PCDHA13: variants seen among roughly 807,000 people sequenced by gnomAD.
PCDHA13 encodes protocadherin alpha 13.
PCDHA13 carries 54 observed loss-of-function variants against 64.8 expected under a neutral mutation model. The observed-to-expected ratio is 0.83, with a 90% CI of 0.67 to 1.04. The LOEUF (loss-of-function observed/expected upper bound fraction) is 1.04. Ranked by LOEUF, PCDHA13 falls within the 50% of genes least tolerant of loss-of-function variation. The pLI is 0.00. For missense variants in PCDHA13, 1,248 were observed against 1,254.3 expected, an observed-to-expected ratio of 0.99 and a Z score of 0.08; for synonymous variants, 587 against 564.4, an observed-to-expected ratio of 1.04 and a Z score of -0.57.
intron 1 of PCDHA13, among the ~76,000 whole-genome samples, chr5:140,933,411 T>C (rs1174569571): frequency 6.6e-6 from 1 of 152,084 alleles, no homozygotes; most frequent in Non-Finnish European, 1.5e-5. Flanking sequence ...CATCTACAGA[T>C]ATTCTGTGTT....
intron 1 of PCDHA13, among the ~76,000 whole-genome samples, chr5:140,894,264 G>A (rs1231047220): frequency 1.3e-5 from 2 of 151,820 alleles, no homozygotes; most frequent in African/African-American, 4.8e-5. Flanking sequence ...ACAAGTGGTA[G>A]CTTATTTACA....
At chr5:140,932,755 GA>G (rs1554209056) in intron 1 of PCDHA13, among the ~76,000 whole-genome samples, 4 of 151,730 alleles carry the variant, frequency 2.6e-5, no homozygotes, top group Non-Finnish European at 5.9e-5. Context: ...AAAAAGGAAA[GA>G]AAAAGAACAT....
intron 2 of PCDHA13, among the ~76,000 whole-genome samples, chr5:140,980,777 A>C (rs2096905451): frequency 6.6e-6 from 1 of 152,244 alleles, no homozygotes; most frequent in Non-Finnish European, 1.5e-5. Flanking sequence ...ATTGAAATTA[A>C]AATGCCATTT....
In PCDHA13 at chr5:140,926,298, C is replaced by G. The variant is rs1337047837; in HGVS notation, c.2394+41636C>G. 3.3e-5 allele frequency: 5 copies of G among 152,328 alleles called. No homozygotes were observed. In the East Asian group the frequency reaches 5.8e-4, roughly 18 times the overall value. The allele number at this position is 152,328 out of a possible 1,614,324, so 9.4% of individuals were successfully genotyped here. Reference sequence around the variant, plus strand: ...TCGGCAGCTCCACGCTGAGTCCCGCCCTCTCCGCCGGAGAGGTGCGCCGGG... The same window carrying G: ...TCGGCAGCTCCACGCTGAGTCCCGCGCTCTCCGCCGGAGAGGTGCGCCGGG... On this transcript the variant is annotated intron_variant, in intron 1 of 3. Coordinates refer to ENST00000289272, the MANE Select transcript of PCDHA13 (RefSeq NM_018904.3).
Position 140,971,209 on chromosome 5 carries a change from C to A in PCDHA13, c.2395-7740C>A, listed in dbSNP as rs147218200. 2.2e-3 allele frequency among the ~76,000 whole-genome samples: 328 copies of A among 152,236 alleles called. 3 individuals are homozygous for A. Among genetic ancestry groups the A allele is most frequent in the African/African-American group, 7.7e-3 (319 of 41,534 alleles). Reference sequence around the variant, plus strand: ...AAGCTCAGAGGAAAGACACTGTTACCCTCCCTCTCCTGACTCAAAGCTTGG... The same window carrying A: ...AAGCTCAGAGGAAAGACACTGTTACACTCCCTCTCCTGACTCAAAGCTTGG... On this transcript the variant is annotated intron_variant, in intron 1 of 3. Coordinates refer to ENST00000289272, the MANE Select transcript of PCDHA13 (RefSeq NM_018904.3).
Position 140,882,375 on chromosome 5 carries a change from C to T in PCDHA13, c.107C>T (p.Pro36Leu), listed in dbSNP as rs879994353. 1 of 1,614,212 alleles carries T rather than the reference C, an allele frequency of 6.2e-7. No individual in the cohort carries two copies. Among genetic ancestry groups the T allele is most frequent in the Non-Finnish European group, 8.5e-7 (1 of 1,180,044 alleles). The change falls in exon 1 of 4, where the codon CCC becomes CTC. Residue 36 changes from proline to leucine, a missense_variant. Coordinates refer to ENST00000289272, the MANE Select transcript of PCDHA13 (RefSeq NM_018904.3). The part of the protein sequence containing the change: ...TGSGQLHYSV[P>L]EEAKHGTFVG... ...AGTGGCCAGCTCCACTACTCCGTCC[C>T]CGAGGAAGCAAAACACGGCACCTTC... is the stretch of plus-strand genomic sequence containing the variant.
At chr5:140,927,672 A>G in intron 1 of PCDHA13, 1 of 1,614,202 alleles carries the variant, frequency 6.2e-7, no homozygotes, top group Non-Finnish European at 8.5e-7. Flanking sequence ...CCTTGGATCC[A>G]GATGAAGGGT....
At chr5:141,006,553 G>A (rs1554260809) in intron 3 of PCDHA13, among the ~76,000 whole-genome samples, 1 of 152,168 alleles carries the variant, frequency 6.6e-6, no homozygotes, top group African/African-American at 2.4e-5. Context: ...AAGAAATAAA[G>A]ATGACTCTGG....
chr5:140,926,311 G>C (rs2030500500), intron 1 of PCDHA13: 1 of 152,272 alleles, frequency 6.6e-6, no homozygotes, highest in South Asian at 2.1e-4. Flanking sequence ...CTCCGCCGGA[G>C]AGGTGCGCCG....
intron 1 of PCDHA13, among the ~76,000 whole-genome samples, chr5:140,888,454 A>G (rs1167294283): frequency 6.6e-6 from 1 of 152,234 alleles, no homozygotes; most frequent in Non-Finnish European, 1.5e-5. Context: ...ATAAAGAATT[A>G]GCTCAAAATG....
intron 1 of PCDHA13, among the ~76,000 whole-genome samples, chr5:140,932,418 ATTG>A (rs1457931424): frequency 1.3e-5 from 2 of 151,928 alleles, no homozygotes; most frequent in African/African-American, 4.8e-5. Context: ...ATATTAGTGT[ATTG>A]TTCACCTGGA....
chr5:140,927,826 G>A (rs782694866), intron 1 of PCDHA13: 1 of 1,614,194 alleles, frequency 6.2e-7, no homozygotes, highest in Middle Eastern at 1.6e-4. Context: ...ATACATTGAG[G>A]CGAGGGACGA....
intron 1 of PCDHA13, among the ~76,000 whole-genome samples, chr5:140,975,953 T>A (rs1554237158): frequency 6.6e-6 from 1 of 152,084 alleles, no homozygotes; most frequent in Non-Finnish European, 1.5e-5. Context: ...CATATTAGAG[T>A]TCTTCACCAA....
intron 3 of PCDHA13, among the ~76,000 whole-genome samples, chr5:140,983,660 A>G (rs1460631508): frequency 6.6e-6 from 1 of 152,244 alleles, no homozygotes; most frequent in African/African-American, 2.4e-5. Context: ...TAAGTGGCAG[A>G]GGGTAGGATT....
Position 141,000,361 on chromosome 5 carries a change from G to GTCTCTCTC in PCDHA13, c.2543-9238_2543-9231dup, listed in dbSNP as rs148596731. 4.9e-4 allele frequency among the ~76,000 whole-genome samples: 13 copies of GTCTCTCTC among 26,444 alleles called. No individual in the cohort carries two copies. In the East Asian group the frequency reaches 6.3e-3, roughly 13 times the overall value. The allele number at this position is 26,444 out of a possible 152,430, so 17.3% of individuals were successfully genotyped here. A position where few individuals can be genotyped will look rare whatever the true frequency, so the allele number is the denominator to read the frequency against. ...CCTATCTCTCTCTCTGTCTCTCTCT[G>GTCTCTCTC]TCTCTCTCTCTCTCTCTCTCTCTCT... is the stretch of plus-strand genomic sequence containing the variant. On this transcript the variant is annotated intron_variant, in intron 3 of 3. Coordinates refer to ENST00000289272, the MANE Select transcript of PCDHA13 (RefSeq NM_018904.3).
chr5:140,946,916 T>C (rs1554217963), intron 1 of PCDHA13, among the ~76,000 whole-genome samples: 4 of 151,468 alleles, frequency 2.6e-5, no homozygotes, highest in Non-Finnish European at 5.9e-5. Context: ...GTTCTGGTGT[T>C]TTATTGAACA....
At chr5:140,923,299 G>A (rs921157994) in intron 1 of PCDHA13, among the ~76,000 whole-genome samples, 17 of 152,330 alleles carry the variant, frequency 1.1e-4, no homozygotes, top group Middle Eastern at 3.4e-3. Context: ...TTAGCTGGGC[G>A]TGGGGGCGCT....
chr5:140,969,148 G>A, intron 1 of PCDHA13: 2 of 1,614,102 alleles, frequency 1.2e-6, no homozygotes, highest in Non-Finnish European at 8.5e-7. Context: ...ACTGCTACAA[G>A]GCCTGTCTGA....
At chr5:140,927,891 GA>G (rs1554205193) in intron 1 of PCDHA13, 1 of 1,614,192 alleles carries the variant, frequency 6.2e-7, no homozygotes, top group Admixed American at 1.7e-5. Context: ...TGACTGACGT[GA>G]ACGATCATGC....
Sources: gnomAD v4.1 joint callset for allele counts (sites outside exome capture counted in the v4.1 genomes callset) on GRCh38, gnomAD v4.1.1 for gene constraint, MANE v1.5 for transcripts, NCBI Gene and HGNC (gene_info 2026-07-23, HGNC 2026-07-21) for gene names.